Variants in TDRD3 observed in about 807,000 individuals in gnomAD.
The protein encoded by TDRD3 is tudor domain containing 3.
A neutral mutation model predicts 86.7 loss-of-function variants in TDRD3; 45 were observed. The ratio of observed to expected loss-of-function variants is 0.52; its 90% CI spans 0.41 to 0.67. The LOEUF (loss-of-function observed/expected upper bound fraction) is 0.67, where lower values mean the gene tolerates loss of function less well. TDRD3 is among the 30% of genes least tolerant of loss of function. The pLI, the probability that TDRD3 is intolerant of heterozygous loss-of-function variation, is 0.00. For missense variants in TDRD3, 814 were observed against 889.0 expected, an observed-to-expected ratio of 0.92 and a Z score of 1.07; for synonymous variants, 298 against 301.7, an observed-to-expected ratio of 0.99 and a Z score of 0.13.
At chr13:60,519,087 A>T (rs1479525196) in intron 10 of TDRD3, among the ~76,000 whole-genome samples, 1 of 152,038 alleles carries the variant, frequency 6.6e-6, no homozygotes, top group African/African-American at 2.4e-5. Context: ...TGGTACTTGG[A>T]TCTGTAGAAG....
chr13:60,409,059 G>A (rs1954299198), intron 1 of TDRD3, among the ~76,000 whole-genome samples: 1 of 152,234 alleles, frequency 6.6e-6, no homozygotes, highest in Non-Finnish European at 1.5e-5. Context: ...GGCTGAAAGG[G>A]GCCAACATAT....
chr13:60,493,743 GT>G (rs1346415686), intron 7 of TDRD3, among the ~76,000 whole-genome samples: 1 of 152,162 alleles, frequency 6.6e-6, no homozygotes, highest in Non-Finnish European at 1.5e-5. Flanking sequence ...ATGCTTTTCA[GT>G]TATGAAGTTG....
intron 5 of TDRD3, among the ~76,000 whole-genome samples, chr13:60,480,106 A>G (rs1956278718): frequency 6.6e-6 from 1 of 152,156 alleles, no homozygotes; most frequent in Admixed American, 6.5e-5. Context: ...ATATGTGTTT[A>G]AGTGTGCTTT....
intron 1 of TDRD3, among the ~76,000 whole-genome samples, chr13:60,424,030 T>G (rs1954731788): frequency 6.6e-6 from 1 of 152,084 alleles, no homozygotes; most frequent in Non-Finnish European, 1.5e-5. Context: ...TTTGTTTGTT[T>G]TTGTTTTTTG....
chr13:60,538,869 C>T lies in TDRD3; in HGVS notation c.2118+3636C>T, dbSNP rs556537881. Among the ~76,000 whole-genome samples the T allele has an allele frequency of 4.6e-5, 7 of 152,214 alleles. No homozygotes were observed. The South Asian group carries it at 1.5e-3, about 32-fold the overall frequency. On this transcript the variant is annotated intron_variant, in intron 12 of 13. Transcript: ENST00000377881. Reference sequence around the variant, plus strand: ...TAAACCTGGGAAAACATTGTTGGGTCCTCATTTTCCATATATATTAATGAC... The same window carrying T: ...TAAACCTGGGAAAACATTGTTGGGTTCTCATTTTCCATATATATTAATGAC...
At chr13:60,450,659 G>C (rs971792639) in intron 3 of TDRD3, among the ~76,000 whole-genome samples, 4 of 152,152 alleles carry the variant, frequency 2.6e-5, no homozygotes, top group African/African-American at 9.7e-5. Flanking sequence ...GACGGTGTCT[G>C]AATGTGTATT....
intron 12 of TDRD3, among the ~76,000 whole-genome samples, chr13:60,558,964 CTTTTTTT>C (rs562728723): frequency 2.3e-5 from 3 of 131,552 alleles, no homozygotes; most frequent in Non-Finnish European, 4.9e-5. Flanking sequence ...GACATTTTTG[CTTTTTTT>C]TTTTTTTTTC....
chr13:60,565,041 CTTTTTTTTTTTTT>C (rs869194148), intron 12 of TDRD3, among the ~76,000 whole-genome samples: 26 of 70,880 alleles, frequency 3.7e-4, no homozygotes, highest in South Asian at 3.4e-3. Context: ...CTATCAGTAT[CTTTTTTTTTTTTT>C]TTTTTTTTTT....
chr13:60,403,331 G>T (rs1954151403), intron 1 of TDRD3, among the ~76,000 whole-genome samples: 1 of 152,116 alleles, frequency 6.6e-6, no homozygotes, highest in Admixed American at 6.5e-5. Context: ...ATAAAAATAT[G>T]ACTATATCAA....
rs771115644 is a variant in TDRD3, at chr13:60,510,651, G to A, written c.1037G>A (p.Arg346Gln). Residue 346 changes from arginine to glutamine, a missense_variant, in exon 10 of 14, where the codon CGA becomes CAA. Transcript: ENST00000377881. The stretch of plus-strand genomic sequence containing the variant: ...AAAGGTAGAGGAAAAGGCAGGGGGC[G>A]AATAAGATCTGAAGATGAAGAGGAC... ...PLRGRGKGRG[R>Q]IRSEDEEDLG... 2.1e-5 allele frequency: 34 copies of A among 1,601,100 alleles called. 1 individual carries two copies. Among genetic ancestry groups the A allele is most frequent in the South Asian group, 9.0e-5 (8 of 88,436 alleles).
At chr13:60,494,389 T>C (rs747301476) in intron 7 of TDRD3, 46 bp from the exon 8 acceptor site, 1 of 1,471,976 alleles carries the variant, frequency 6.8e-7, no homozygotes, top group African/African-American at 1.4e-5. Flanking sequence ...GAACTATTTT[T>C]AAATGCTGTC....
At chr13:60,488,145 T>A (rs1160131644) in intron 7 of TDRD3, among the ~76,000 whole-genome samples, 1 of 152,180 alleles carries the variant, frequency 6.6e-6, no homozygotes, top group Admixed American at 6.5e-5. Flanking sequence ...AGATGGGTCG[T>A]CAGTCTCAAA....
chr13:60,551,629 T>A (rs561908358), intron 12 of TDRD3, among the ~76,000 whole-genome samples: 24 of 152,308 alleles, frequency 1.6e-4, no homozygotes, highest in African/African-American at 5.8e-4. Context: ...TTATTTTTTC[T>A]GTTAAAATTT....
intron 1 of TDRD3, among the ~76,000 whole-genome samples, chr13:60,401,522 T>C (rs1954101847): frequency 6.6e-6 from 1 of 152,234 alleles, no homozygotes; most frequent in Non-Finnish European, 1.5e-5. Flanking sequence ...GACACTGTAT[T>C]GTGTGTCTTT....
intron 1 of TDRD3, among the ~76,000 whole-genome samples, chr13:60,411,534 G>A (rs140313152): frequency 2.0e-5 from 3 of 152,258 alleles, no homozygotes; most frequent in African/African-American, 7.2e-5. Context: ...AAAATGCCCT[G>A]CCTTAATTAG....
intron 11 of TDRD3, among the ~76,000 whole-genome samples, chr13:60,532,847 G>T (rs1039070821): frequency 6.6e-6 from 1 of 151,918 alleles, no homozygotes; most frequent in Admixed American, 6.6e-5. Flanking sequence ...CTGTGATCCT[G>T]GTCTTAGACC....
At chr13:60,485,268 T>C (rs1595002094) in intron 6 of TDRD3, among the ~76,000 whole-genome samples, 1 of 150,170 alleles carries the variant, frequency 6.7e-6, no homozygotes, top group African/African-American at 2.4e-5. Context: ...AGTGATGCCT[T>C]TTTTTTTACT....
intron 3 of TDRD3, among the ~76,000 whole-genome samples, chr13:60,456,542 A>G (rs1566205215): frequency 6.6e-6 from 1 of 152,210 alleles, no homozygotes. Flanking sequence ...CAAAAGAGAA[A>G]ATCAGACATT....
At chr13:60,456,669 C>G (rs1398610772) in intron 3 of TDRD3, among the ~76,000 whole-genome samples, 1 of 151,844 alleles carries the variant, frequency 6.6e-6, no homozygotes, top group Non-Finnish European at 1.5e-5. Context: ...GAAATTAATT[C>G]TTGTCTATTT....
Sources: gnomAD v4.1 joint callset for allele counts (sites outside exome capture counted in the v4.1 genomes callset) on GRCh38, gnomAD v4.1.1 for gene constraint, MANE v1.5 for transcripts, NCBI Gene and HGNC (gene_info 2026-07-23, HGNC 2026-07-21) for gene names.